The following TENM1 variants were observed in gnomAD, a reference collection of about 807,000 sequenced individuals.
The protein encoded by TENM1 is teneurin transmembrane protein 1.
Under a neutral mutation model 174.8 loss-of-function variants are expected in TENM1, and 35 were observed. The ratio of observed to expected loss-of-function variants is 0.20; its 90% CI spans 0.15 to 0.27. The LOEUF (loss-of-function observed/expected upper bound fraction) is 0.27, where lower values mean the gene tolerates loss of function less well. Among genes scored for constraint, TENM1 ranks in the 10% least tolerant of loss-of-function variants. TENM1 has a pLI of 1.00. For synonymous variants in TENM1, 781 were observed against 798.7 expected, an observed-to-expected ratio of 0.98 and a Z score of 0.37; for missense variants, 1,633 against 2,130.1, an observed-to-expected ratio of 0.77 and a Z score of 4.59.
intron 3 of TENM1, among the ~76,000 whole-genome samples, chrX:124,751,269 C>T (rs1421214312): frequency 9.0e-6 from 1 of 111,697 alleles, no homozygotes; most frequent in Non-Finnish European, 1.9e-5. Flanking sequence ...GACCATCTCT[C>T]TACTATGGGA....
chrX:125,201,345 C>A, the TENM1 span, among the ~76,000 whole-genome samples: 1 of 112,119 alleles, frequency 8.9e-6, no homozygotes, highest in Non-Finnish European at 1.9e-5. Flanking sequence ...TTTTAATACA[C>A]CTAAACGTTT....
chrX:125,045,279 G>A, the TENM1 span, among the ~76,000 whole-genome samples: 1 of 111,459 alleles, frequency 9.0e-6, no homozygotes, highest in Non-Finnish European at 1.9e-5. Flanking sequence ...TGGGGACATA[G>A]AGTCAAACCA....
chrX:125,057,845 A>C, the TENM1 span, among the ~76,000 whole-genome samples: 2 of 111,995 alleles, frequency 1.8e-5, no homozygotes, highest in African/African-American at 3.2e-5. Flanking sequence ...TCCAATATCC[A>C]TGAGGACAGG....
At chrX:124,852,740 T>C (rs1308148158) in intron 3 of TENM1, among the ~76,000 whole-genome samples, 1 of 111,158 alleles carries the variant, frequency 9.0e-6, no homozygotes, top group Non-Finnish European at 1.9e-5. Flanking sequence ...ATGATACTTC[T>C]CAGAAAAAGA....
chrX:124,476,568 G>T (rs1264938459), intron 22 of TENM1, among the ~76,000 whole-genome samples: 1 of 111,502 alleles, frequency 9.0e-6, no homozygotes, highest in East Asian at 2.8e-4. Context: ...TGAGAATAGA[G>T]ATATAACCCT....
At chrX:124,384,048 T>C in exon 30 of TENM1, 1 of 1,211,361 alleles carries the variant, frequency 8.3e-7, no homozygotes, top group Non-Finnish European at 1.1e-6. Flanking sequence ...ATCTCCGAGC[T>C]TGTGTGGTTG....
chrX:124,653,880 TACTC>T, intron 6 of TENM1, 97 bp from the exon 10 acceptor site: 1 of 757,603 alleles, frequency 1.3e-6, no homozygotes, highest in Non-Finnish European at 1.9e-6. Flanking sequence ...CAAAATAACT[TACTC>T]AGCTTTTTCT....
chrX:124,709,988 A>G (rs1347525628), intron 4 of TENM1, among the ~76,000 whole-genome samples: 1 of 111,505 alleles, frequency 9.0e-6, no homozygotes, highest in East Asian at 2.8e-4. Context: ...AAATAATAAT[A>G]AGATTAAGTA....
chrX:124,972,318 A>G, the TENM1 span, among the ~76,000 whole-genome samples: 15 of 111,747 alleles, frequency 1.3e-4, no homozygotes, highest in Non-Finnish European at 2.1e-4. Flanking sequence ...ACTATCTTTC[A>G]CAGTCTGTTT....
chrX:124,774,728 T>G (rs903350933), intron 3 of TENM1, among the ~76,000 whole-genome samples: 1 of 111,798 alleles, frequency 8.9e-6, no homozygotes, highest in Non-Finnish European at 1.9e-5. Flanking sequence ...AGCCAATGAC[T>G]GTACTAATAC....
intron 3 of TENM1, among the ~76,000 whole-genome samples, chrX:124,832,199 G>C (rs781623773): frequency 9.0e-6 from 1 of 111,581 alleles, no homozygotes; most frequent in South Asian, 3.8e-4. Context: ...AACAAAATTT[G>C]GGCAAATGAA....
rs753105111 is a variant in TENM1 at position 124,452,007 on chromosome X, C to A, written c.4104+1330G>T. Among the ~76,000 whole-genome samples the A allele has an allele frequency of 2.2e-3, 244 of 111,885 alleles. 1 individual carries two copies. Among genetic ancestry groups the A allele is most frequent in the African/African-American group, 5.7e-3 (177 of 30,809 alleles). Reference sequence around the variant, plus strand: ...ACACAAAAAGCAATGGCAACAAAAGCCAAAATTGACAAATGGGATCTAATT... The same window carrying A: ...ACACAAAAAGCAATGGCAACAAAAGACAAAATTGACAAATGGGATCTAATT... On this transcript the variant is annotated intron_variant, in intron 23 of 31. Coordinates refer to ENST00000422452, the Ensembl canonical transcript of TENM1.
chrX:124,898,149 G>C (rs187787644), intron 1 of TENM1, among the ~76,000 whole-genome samples: 44 of 111,607 alleles, frequency 3.9e-4, no homozygotes, highest in African/African-American at 9.4e-4. Context: ...TTAAAACATA[G>C]ATTGCTGCAC....
intron 11 of TENM1, among the ~76,000 whole-genome samples, chrX:124,638,720 C>T (rs1474716724): frequency 9.0e-6 from 1 of 111,354 alleles, no homozygotes; most frequent in Non-Finnish European, 1.9e-5. Context: ...ATCAACCCCT[C>T]GCTGGCCATA....
At position 124,503,711 on chromosome X, in the gene TENM1, CAA is replaced by C. The variant is rs1468815033; in HGVS notation, c.3302-10_3302-9del. ...ATTCATATCCCACAGATACTGCAAA[CAA>C]AGAGTTAACAGCACATTAGAAAACT... On this transcript the variant is annotated splice_polypyrimidine_tract_variant and intron_variant, in intron 18 of 31. Coordinates refer to ENST00000422452, the Ensembl canonical transcript of TENM1. 2.5e-6 allele frequency: 3 copies of C among 1,188,528 alleles called. No individual in the cohort carries two copies. Among genetic ancestry groups the C allele is most frequent in the Non-Finnish European group, 3.4e-6 (3 of 884,766 alleles).
chrX:124,628,587 T>C (rs1390199089), intron 11 of TENM1, among the ~76,000 whole-genome samples: 2 of 111,447 alleles, frequency 1.8e-5, no homozygotes, highest in Admixed American at 1.9e-4. Flanking sequence ...AAAGGAGAAG[T>C]GTCTCATTGG....
At chrX:125,125,387 A>C in the TENM1 span, among the ~76,000 whole-genome samples, 1 of 112,181 alleles carries the variant, frequency 8.9e-6, no homozygotes, top group Non-Finnish European at 1.9e-5. Flanking sequence ...GTGGAAGTCC[A>C]GTCCTATGAT....
chrX:124,461,261 T>C (rs991991205), intron 22 of TENM1, among the ~76,000 whole-genome samples: 2 of 111,832 alleles, frequency 1.8e-5, no homozygotes, highest in Non-Finnish European at 3.8e-5. Flanking sequence ...GGTGAGGATG[T>C]GGAGAAAGGG....
chrX:124,473,711 T>G (rs1306116363), intron 22 of TENM1, among the ~76,000 whole-genome samples: 1 of 111,166 alleles, frequency 9.0e-6, no homozygotes, highest in Non-Finnish European at 1.9e-5. Context: ...ATATCCATCT[T>G]CTGCTCCATT....
Sources: gnomAD v4.1 joint callset for allele counts (sites outside exome capture counted in the v4.1 genomes callset) on GRCh38, gnomAD v4.1.1 for gene constraint, MANE v1.5 for transcripts, NCBI Gene and HGNC (gene_info 2026-07-23, HGNC 2026-07-21) for gene names.